NR4A1: variants seen among roughly 807,000 people sequenced by gnomAD.
NR4A1 encodes the protein nuclear receptor subfamily 4immunitygroup A member 1.
Under a neutral mutation model 47.5 loss-of-function variants are expected in NR4A1, and 24 were observed. The ratio of observed to expected loss-of-function variants is 0.50; its 90% CI spans 0.37 to 0.71. NR4A1 has a LOEUF of 0.71. Among genes scored for constraint, NR4A1 ranks in the 30% least tolerant of loss-of-function variants. The probability of loss-of-function intolerance (pLI) is 0.00; values close to 1 mark genes in which losing one functional copy is unlikely to be tolerated. For missense variants in NR4A1, 669 were observed against 788.6 expected, an observed-to-expected ratio of 0.85 and a Z score of 1.82; for synonymous variants, 353 against 345.7, an observed-to-expected ratio of 1.02 and a Z score of -0.24.
intron 1 of NR4A1, chr12:52,038,469 T>C: frequency 2.1e-6 from 1 of 468,758 alleles, no homozygotes; most frequent in Non-Finnish European, 3.9e-6. Flanking sequence ...GTTGTGGGGC[T>C]AGTATTAGGG....
At chr12:52,043,152 T>C (rs946651671) in intron 2 of NR4A1, among the ~76,000 whole-genome samples, 2 of 152,160 alleles carry the variant, frequency 1.3e-5, no homozygotes, top group Non-Finnish European at 2.9e-5. Flanking sequence ...CAGCAGGTGC[T>C]GTACCACCAA....
intron 3 of NR4A1, 55 bp from the exon 4 acceptor site, chr12:52,056,439 T>C (rs1300513198): frequency 6.3e-7 from 1 of 1,590,362 alleles, no homozygotes; most frequent in Non-Finnish European, 8.5e-7. Context: ...CGGCTTGGGC[T>C]GAGAGGCCCT....
chr12:52,027,551 A>T (rs1237485710), intron 1 of NR4A1, among the ~76,000 whole-genome samples: 1 of 152,264 alleles, frequency 6.6e-6, no homozygotes, highest in East Asian at 1.9e-4. Context: ...CTCTGCAGAC[A>T]GTCAGCACTG....
rs1398025407 is a variant in NR4A1, at chr12:52,043,376, G to A, written c.37+1447G>A. 4 of 196,816 alleles carry A rather than the reference G, an allele frequency of 2.0e-5. No individual in the cohort carries two copies. The East Asian group carries it at 5.4e-4, about 27-fold the overall frequency. 12.2% of individuals were successfully genotyped at this position (196,816 alleles called of 1,614,324 possible). ...TCTGGGTACACAGCAGCCCTGGTGG[G>A]CAGAATTCCTTGTGTTTACCTCGTT... On this transcript the variant is annotated intron_variant, in intron 2 of 7. Transcript: ENST00000360284.
At chr12:52,023,891 G>GCCAC (rs1203451919) in intron 1 of NR4A1, among the ~76,000 whole-genome samples, 13 of 152,300 alleles carry the variant, frequency 8.5e-5, no homozygotes, top group Admixed American at 3.9e-4. Context: ...CTCGGGAACG[G>GCCAC]CCACACTCGT....
intron 2 of NR4A1, among the ~76,000 whole-genome samples, chr12:52,046,334 C>G (rs1423539772): frequency 6.6e-6 from 1 of 152,198 alleles, no homozygotes; most frequent in Admixed American, 6.5e-5. Context: ...CCACCACGGA[C>G]TAGGAGACAG....
At chr12:52,057,584 T>C (rs2120534002) in intron 6 of NR4A1, 54 bp downstream of exon 6, 1 of 1,598,072 alleles carries the variant, frequency 6.3e-7, no homozygotes, top group East Asian at 2.2e-5. Flanking sequence ...GGGGGTTGAC[T>C]GGTTCTCAGG....
rs137996201 is a variant in NR4A1, at chr12:52,054,565, C to A, written c.237C>A (p.Ser79=). 3.3e-5 allele frequency: 53 copies of A among 1,614,030 alleles called. No homozygotes were observed. The highest frequency in any genetic ancestry group is 9.3e-5 in the African/African-American group (7 of 74,930). Residue 79 remains serine (S), a synonymous_variant, in exon 2 of 7, where the codon TCC becomes TCA. Transcript: ENST00000394825. ...YQLPGTVQPC[S]SASSSASSTS... is the part of the protein sequence containing the mutation. The stretch of plus-strand genomic sequence containing the variant: ...TGCCAGGAACAGTCCAGCCATGCTC[C>A]TCAGCCTCCTCCTCGGCCTCCTCCA...
At chr12:52,042,942 T>C (rs1938493338) in intron 2 of NR4A1, among the ~76,000 whole-genome samples, 1 of 152,204 alleles carries the variant, frequency 6.6e-6, no homozygotes, top group African/African-American at 2.4e-5. Context: ...AAGCACGCAC[T>C]GGCTCAGTAT....
intron 1 of NR4A1, among the ~76,000 whole-genome samples, chr12:52,036,140 C>T (rs775674280): frequency 1.1e-4 from 17 of 152,172 alleles, no homozygotes; most frequent in Non-Finnish European, 1.8e-4. Flanking sequence ...TTGGCCGGGC[C>T]TTCCTGACCA....
At chr12:52,050,937 A>C (rs985604937), upstream of NR4A1, among the ~76,000 whole-genome samples, 1 of 152,104 alleles carries the variant, frequency 6.6e-6, no homozygotes, top group Non-Finnish European at 1.5e-5. Flanking sequence ...AGGCGGGGCT[A>C]GGCTCGGAGG....
chr12:52,055,426 G>C (rs1239893173), intron 2 of NR4A1: 1 of 628,382 alleles, frequency 1.6e-6, no homozygotes, highest in Non-Finnish European at 2.8e-6. Flanking sequence ...ATTGCACAGA[G>C]CTGGAGGGAG....
chr12:52,055,857 C>CCA (rs376369351), intron 2 of NR4A1, 173 bp from the exon 3 acceptor site: 8 of 465,710 alleles, frequency 1.7e-5, no homozygotes, highest in African/African-American at 1.7e-4. Context: ...TTTTCTCTCC[C>CCA]CCCGCCCAAC....
chr12:52,041,893 A>C, exon 2 of NR4A1: 1 of 1,526,708 alleles, frequency 6.6e-7, no homozygotes, highest in Non-Finnish European at 8.8e-7. Flanking sequence ...AGACGGGATA[A>C]TGTGGTTGGC....
exon 2 of NR4A1, chr12:52,041,857 G>A: frequency 6.6e-7 from 1 of 1,522,974 alleles, no homozygotes; most frequent in African/African-American, 1.4e-5. Flanking sequence ...CAGGCAGCCT[G>A]GCTCCTTCTG....
chr12:52,053,944 T>G, intron 1 of NR4A1: 1 of 219,024 alleles, frequency 4.6e-6, no homozygotes, highest in Non-Finnish European at 9.0e-6. Flanking sequence ...CCTCTCCCAC[T>G]CACCCTTCTC....
Position 52,054,492 on chromosome 12 carries a change from C to T in NR4A1, c.164C>T (p.Thr55Ile). ...CCCACTGCCCTGCCCAGCTTCAGCA[C>T]CTTCATGGACGGCTACACAGGAGAG... Reference protein sequence around the residue: ...AAPTALPSFSTFMDGYTGEFD... With the variant: ...AAPTALPSFSIFMDGYTGEFD... Residue 55 changes from threonine to isoleucine, a missense_variant, in exon 2 of 7, where the codon ACC becomes ATC. Thr to Ile is a moderately conservative substitution (Grantham distance 89). Transcript: ENST00000394825. The T allele has an allele frequency of 1.9e-6, 3 of 1,613,948 alleles. No individual in the cohort carries two copies. Among genetic ancestry groups the T allele is most frequent in the Admixed American group, 1.7e-5 (1 of 60,032 alleles).
intron 1 of NR4A1, among the ~76,000 whole-genome samples, chr12:52,041,618 G>A (rs1354339996): frequency 6.6e-6 from 1 of 152,216 alleles, no homozygotes; most frequent in Non-Finnish European, 1.5e-5. Flanking sequence ...ACCCCTGGAA[G>A]CAGATTGCCT....
chr12:52,047,087 A>G (rs1290791055), upstream of NR4A1, among the ~76,000 whole-genome samples: 1 of 151,918 alleles, frequency 6.6e-6, no homozygotes, highest in East Asian at 1.9e-4. Flanking sequence ...CCGCCCTTCC[A>G]TGTTGTCATG....
Sources: gnomAD v4.1 joint callset for allele counts (sites outside exome capture counted in the v4.1 genomes callset) on GRCh38, gnomAD v4.1.1 for gene constraint, MANE v1.5 for transcripts, NCBI Gene and HGNC (gene_info 2026-07-23, HGNC 2026-07-21) for gene names.